The following DLL4 variants were observed in gnomAD, a reference collection of about 807,000 sequenced individuals.
DLL4 encodes delta-like protein 4.
A neutral mutation model predicts 73.6 loss-of-function variants in DLL4; 7 were observed. The observed-to-expected ratio is 0.10, with a 90% CI of 0.05 to 0.18. The LOEUF (loss-of-function observed/expected upper bound fraction) is 0.18, where lower values mean the gene tolerates loss of function less well. Ranked by LOEUF, DLL4 falls within the 10% of genes least tolerant of loss-of-function variation. The probability of loss-of-function intolerance (pLI) is 1.00; values close to 1 mark genes in which losing one functional copy is unlikely to be tolerated. For missense variants in DLL4, 614 were observed against 929.9 expected (o/e 0.66, Z 4.42); for synonymous variants, 345 against 374.3 (o/e 0.92, Z 0.90).
Position 40,938,150 on chromosome 15 carries a change from G to A in DLL4, c.*116G>A, listed in dbSNP as rs1444546581. On this transcript the variant is annotated 3_prime_UTR_variant, in exon 11 of 11. Coordinates refer to ENST00000249749, the MANE Select transcript of DLL4 (RefSeq NM_019074.4). ...CATATGCAACGTGCTGCTCTCAGGA[G>A]GAGGAGGGAATGGCAGGAACCGGAC... 11 of 1,208,130 alleles carry A rather than the reference G, an allele frequency of 9.1e-6. No homozygotes were observed. Among genetic ancestry groups the A allele is most frequent in the South Asian group, 1.7e-5 (1 of 57,340 alleles). The allele number at this position is 1,208,130 out of a possible 1,614,324, so 74.8% of individuals were successfully genotyped here. A position where few individuals can be genotyped will look rare whatever the true frequency, so the allele number is the denominator to read the frequency against.
Position 40,936,774 on chromosome 15 carries a change from T to C in DLL4, c.1787T>C (p.Val596Ala), listed in dbSNP as rs1263067179. The C allele has an allele frequency of 1.9e-6, 3 of 1,613,708 alleles. No homozygotes were observed. The African/African-American group carries it at 4.0e-5, about 22-fold the overall frequency. ...ACAAACCAGAAGAAGGAGCTGGAAGTGGACTGTGGCCTGGACAAGTCCAAC... is the reference window on the plus strand; with the variant it reads ...ACAAACCAGAAGAAGGAGCTGGAAGCGGACTGTGGCCTGGACAAGTCCAAC... The part of the protein sequence containing the change: ...KNTNQKKELE[V>A]DCGLDKSNCG... Residue 596 changes from valine (V) to alanine (A), a missense_variant, in exon 9 of 11, where the codon GTG becomes GCG. Val to Ala is a moderately conservative substitution (Grantham distance 64). Transcript: ENST00000249749.
chr15:40,937,835 G>A lies in DLL4; in HGVS notation c.2053-194G>A, dbSNP rs1173023566. 2.0e-5 allele frequency among the ~76,000 whole-genome samples: 3 copies of A among 152,148 alleles called. No individual in the cohort carries two copies. In the East Asian group the frequency reaches 5.8e-4, roughly 29 times the overall value. ...GTGCCCTTCCTGCCCCTTCCCACTG[G>A]CTTCCTCCATTGACCTCATGAGCGC... On this transcript the variant is annotated intron_variant, in intron 10 of 10. Transcript: ENST00000249749.
chr15:40,931,914 C>T lies in DLL4; in HGVS notation c.658+148C>T. 5.6e-6 allele frequency: 6 copies of T among 1,066,162 alleles called. No homozygotes were observed. The South Asian group carries it at 7.9e-5, about 14-fold the overall frequency. 66.0% of individuals were successfully genotyped at this position (1,066,162 alleles called of 1,614,324 possible). ...CAGGGATGCTGAGGGTGGGCTTGACCTCAGACCTCCTGTCTCTTCCCAGTG... is the reference window on the plus strand; with the variant it reads ...CAGGGATGCTGAGGGTGGGCTTGACTTCAGACCTCCTGTCTCTTCCCAGTG... On this transcript the variant is annotated intron_variant, in intron 4 of 10. Coordinates refer to ENST00000249749, the MANE Select transcript of DLL4 (RefSeq NM_019074.4).
Position 40,935,050 on chromosome 15 carries a change from C to A in DLL4, c.1173C>A (p.Pro391=), listed in dbSNP as rs774049263. 6.2e-7 allele frequency: 1 copy of A among 1,613,512 alleles called. No individual in the cohort carries two copies. Among genetic ancestry groups the A allele is most frequent in the East Asian group, 2.2e-5 (1 of 44,892 alleles). ...GGGCCAACTATGCTTGTGAATGTCCCCCCAACTTCACCGGCTCCAACTGCG... is the reference window on the plus strand; with the variant it reads ...GGGCCAACTATGCTTGTGAATGTCCACCCAACTTCACCGGCTCCAACTGCG... ...NQGANYACEC[P]PNFTGSNCEK... Residue 391 remains proline (P), a synonymous_variant, in exon 8 of 11, where the codon CCC becomes CCA. Transcript: ENST00000249749.
rs753468932 is a variant in DLL4 at position 40,936,679 on chromosome 15, C to G, written c.1692C>G (p.Ser564Arg). The change falls in exon 9 of 11, where the codon AGC (serine) becomes AGG (arginine). Residue 564 changes from serine to arginine, a missense_variant. By Grantham distance (110) the Ser-to-Arg change is moderately radical. Transcript: ENST00000249749. ...QLRLRRPDDG[S>R]REAMNNLSDF... is the part of the protein sequence containing the mutation. ...GGCTTCGACGGCCGGACGACGGCAG[C>G]AGGGAAGCCATGAACAACTTGTCGG... is the stretch of plus-strand genomic sequence containing the variant. The G allele has an allele frequency of 1.2e-6, 2 of 1,613,138 alleles. No individual in the cohort carries two copies. The highest frequency in any genetic ancestry group is 1.7e-6 in the Non-Finnish European group (2 of 1,179,884).
chr15:40,931,835 G>T, intron 4 of DLL4, 69 bp downstream of exon 4: 1 of 1,575,770 alleles, frequency 6.3e-7, no homozygotes, highest in Non-Finnish European at 8.6e-7. Flanking sequence ...GAGCTTCTTG[G>T]TCACAGCTTG....
intron 7 of DLL4, 64 bp downstream of exon 7, chr15:40,934,781 G>C: frequency 6.3e-7 from 1 of 1,590,400 alleles, no homozygotes; most frequent in Non-Finnish European, 8.6e-7. Context: ...CCCTAACCTA[G>C]GCAGTTAGTG....
chr15:40,935,089 C>G lies in DLL4; in HGVS notation c.1212C>G (p.Asp404Glu). 6.2e-7 allele frequency: 1 copy of G among 1,612,948 alleles called. No individual in the cohort carries two copies. Among genetic ancestry groups the G allele is most frequent in the South Asian group, 1.1e-5 (1 of 91,082 alleles). Reference protein sequence around the residue: ...FTGSNCEKKVDRCTSNPCANG... With the variant: ...FTGSNCEKKVERCTSNPCANG... ...GCTCCAACTGCGAGAAGAAAGTGGACAGGTGCACCAGCAACCCCTGTGCCA... is the reference window on the plus strand; with the variant it reads ...GCTCCAACTGCGAGAAGAAAGTGGAGAGGTGCACCAGCAACCCCTGTGCCA... The change falls in exon 8 of 11, where the codon GAC becomes GAG. Residue 404 changes from aspartate (D) to glutamate (E), a missense_variant. Around this residue, in one of 3 missense-constraint regions of DLL4, gnomAD observed 386 missense variants for 541.3 expected, o/e 0.71. Transcript: ENST00000249749.
At chr15:40,931,051 C>A in intron 3 of DLL4, 1 of 393,468 alleles carries the variant, frequency 2.5e-6, no homozygotes, top group Non-Finnish European at 4.6e-6. Context: ...ATTTCAGCAG[C>A]ACAACAATTC....
In DLL4 at chr15:40,936,650, C is replaced by T. The variant is rs1220328844; in HGVS notation, c.1663C>T (p.Leu555=). 6.2e-7 allele frequency: 1 copy of T among 1,611,420 alleles called. No individual in the cohort carries two copies. Among genetic ancestry groups the T allele is most frequent in the Admixed American group, 1.7e-5 (1 of 59,878 alleles). The change falls in exon 9 of 11, where the codon CTG becomes TTG. Residue 555 remains leucine, a synonymous_variant. Transcript: ENST00000249749. Reference sequence around the variant, plus strand: ...CATGGTGGCAGTGGCTGTGCGGCAGCTGCGGCTTCGACGGCCGGACGACGG... The same window carrying T: ...CATGGTGGCAGTGGCTGTGCGGCAGTTGCGGCTTCGACGGCCGGACGACGG... ...LGMVAVAVRQ[L]RLRRPDDGSR...
At chr15:40,937,255 C>A (rs1185490370) in intron 9 of DLL4, among the ~76,000 whole-genome samples, 163 bp from the exon 10 acceptor site, 1 of 152,142 alleles carries the variant, frequency 6.6e-6, no homozygotes, top group African/African-American at 2.4e-5. Flanking sequence ...TCTTAGGGGC[C>A]TTTTCCTAAG....
At position 40,938,381 on chromosome 15, in the gene DLL4, G is replaced by A. The variant is rs1448767517; in HGVS notation, c.*347G>A. On this transcript the variant is annotated 3_prime_UTR_variant, in exon 11 of 11. Coordinates refer to ENST00000249749, the MANE Select transcript of DLL4 (RefSeq NM_019074.4). ...GAGTGGCAGTAGCCCCATGGGGCCC[G>A]GAGCTGCTGTGGCCTCCACTGGCAT... 1 of 231,790 alleles carries A rather than the reference G, an allele frequency of 4.3e-6. No individual in the cohort carries two copies. Among genetic ancestry groups the A allele is most frequent in the Non-Finnish European group, 8.3e-6 (1 of 120,138 alleles). The allele number at this position is 231,790 out of a possible 1,614,324, so 14.4% of individuals were successfully genotyped here. A position where few individuals can be genotyped will look rare whatever the true frequency, so the allele number is the denominator to read the frequency against.
rs1032111894 is a variant in DLL4, at chr15:40,935,198, AGC to A, written c.1240+83_1240+84del. Reference sequence around the variant, plus strand: ...TCTGGTGAGGGAGGGTCAGGAGAGGAGCGAGGCATTGTCTGCCACTCTGGCCC... The same window carrying A: ...TCTGGTGAGGGAGGGTCAGGAGAGGAGAGGCATTGTCTGCCACTCTGGCCC... On this transcript the variant is annotated intron_variant, in intron 8 of 10. Coordinates refer to ENST00000249749, the MANE Select transcript of DLL4 (RefSeq NM_019074.4). The A allele has an allele frequency of 4.4e-6, 6 of 1,367,396 alleles. No individual in the cohort carries two copies. The African/African-American group carries it at 8.6e-5, about 20-fold the overall frequency. The allele number at this position is 1,367,396 out of a possible 1,614,324, so 84.7% of individuals were successfully genotyped here.
chr15:40,935,828 G>T (rs1325319105), intron 8 of DLL4, among the ~76,000 whole-genome samples: 1 of 152,182 alleles, frequency 6.6e-6, no homozygotes, highest in African/African-American at 2.4e-5. Flanking sequence ...CCAAACATGG[G>T]CTCTTGCCTT....
In DLL4 at chr15:40,935,015, C is replaced by T. The variant is rs1268802700; in HGVS notation, c.1138C>T (p.Arg380Cys). 61 of 1,613,410 alleles carry T rather than the reference C, an allele frequency of 3.8e-5. No homozygotes were observed. The highest frequency in any genetic ancestry group is 4.7e-5 in the Non-Finnish European group (55 of 1,179,914). ...CTTCAATGGGGGCTCCTGCCGGGAG[C>T]GCAACCAGGGGGCCAACTATGCTTG... ...PCFNGGSCRERNQGANYACEC... is the reference protein window; with the variant it reads ...PCFNGGSCRECNQGANYACEC... The change falls in exon 8 of 11, where the codon CGC (arginine) becomes TGC (cysteine). Residue 380 changes from arginine (R) to cysteine (C), a missense_variant. Physicochemically the swap from Arg to Cys is radical, Grantham distance 180 (BLOSUM62 -3). Around this residue, in one of 3 missense-constraint regions of DLL4, gnomAD observed 386 missense variants for 541.3 expected, o/e 0.71. Transcript: ENST00000249749.
chr15:40,929,595 G>A lies in DLL4; in HGVS notation c.-74G>A. On this transcript the variant is annotated 5_prime_UTR_variant, in exon 1 of 11. Transcript: ENST00000249749. The surrounding 1 kb of genome is among the most constrained non-coding windows in gnomAD (Gnocchi z 7.1). ...TTTTCAGGGACCCCGCCGGCTGGCG[G>A]ACGCGCGGGAAAGCGGCGTCGCGAA... The A allele has an allele frequency of 3.6e-6, 5 of 1,372,172 alleles. No individual in the cohort carries two copies. The highest frequency in any genetic ancestry group is 4.8e-6 in the Non-Finnish European group (5 of 1,041,198). The allele number at this position is 1,372,172 out of a possible 1,614,324, so 85.0% of individuals were successfully genotyped here.
Position 40,936,581 on chromosome 15 carries a change from G to A in DLL4, c.1594G>A (p.Val532Ile), listed in dbSNP as rs777516760. ...GLPPSFPWVA[V>I]SLGVGLAVLL... ...GCCGCCCAGCTTCCCCTGGGTGGCCGTCTCGCTGGGTGTGGGGCTGGCAGT... is the reference window on the plus strand; with the variant it reads ...GCCGCCCAGCTTCCCCTGGGTGGCCATCTCGCTGGGTGTGGGGCTGGCAGT... Residue 532 changes from valine to isoleucine, a missense_variant, in exon 9 of 11, where the codon GTC becomes ATC. Transcript: ENST00000249749. 41 of 1,608,652 alleles carry A rather than the reference G, an allele frequency of 2.5e-5. No individual in the cohort carries two copies. Among genetic ancestry groups the A allele is most frequent in the South Asian group, 3.3e-5 (3 of 90,564 alleles).
rs573941360 is a variant in DLL4 at position 40,930,258 on chromosome 15, C to T, written c.336+142C>T. 5.0e-4 allele frequency: 522 copies of T among 1,049,118 alleles called. 1 individual carries two copies. The African/African-American group carries it at 7.9e-3, about 16-fold the overall frequency. The allele number at this position is 1,049,118 out of a possible 1,614,324, so 65.0% of individuals were successfully genotyped here. A position where few individuals can be genotyped will look rare whatever the true frequency, so the allele number is the denominator to read the frequency against. ...GGATGCATTCTTTCCTGGCTCTTCC[C>T]GACTCTCTCCTGAGACTGATCCCAG... On this transcript the variant is annotated intron_variant, in intron 2 of 10. Transcript: ENST00000249749. The surrounding 1 kb of genome is among the most constrained non-coding windows in gnomAD (Gnocchi z 5.7).
At position 40,938,187 on chromosome 15, in the gene DLL4, T is replaced by C; in HGVS notation, c.*153T>C. On this transcript the variant is annotated 3_prime_UTR_variant, in exon 11 of 11. Coordinates refer to ENST00000249749, the MANE Select transcript of DLL4 (RefSeq NM_019074.4). ...GGCAGGAACCGGACAGACTGTGAAC[T>C]TGCCAAGAGATGCAATACCCTTCCA... The C allele has an allele frequency of 1.2e-6, 1 of 822,760 alleles. No homozygotes were observed. Among genetic ancestry groups the C allele is most frequent in the Non-Finnish European group, 1.8e-6 (1 of 570,306 alleles). 51.0% of individuals were successfully genotyped at this position (822,760 alleles called of 1,614,324 possible). A position where few individuals can be genotyped will look rare whatever the true frequency, so the allele number is the denominator to read the frequency against.
Sources: allele counts gnomAD v4.1 joint callset (sites outside exome capture counted in the v4.1 genomes callset), GRCh38; gene constraint gnomAD v4.1.1; regional missense constraint gnomAD v4.1.1; non-coding constraint Gnocchi (gnomAD v3.1); transcripts MANE v1.5; gene names NCBI Gene and HGNC (gene_info 2026-07-23, HGNC 2026-07-21).